The following NEDD4 variants were observed in gnomAD, a reference collection of about 807,000 sequenced individuals.
NEDD4 encodes E3 ubiquitin-protein ligase NEDD4.
Under a neutral mutation model 144.9 loss-of-function variants are expected in NEDD4, and 99 were observed. The observed-to-expected ratio is 0.68, with a 90% CI of 0.58 to 0.81. NEDD4 has a LOEUF of 0.81. Ranked by LOEUF, NEDD4 falls within the 30% of genes least tolerant of loss-of-function variation. The probability of loss-of-function intolerance (pLI) is 0.00; values close to 1 mark genes in which losing one functional copy is unlikely to be tolerated. For missense variants in NEDD4, 985 were observed against 1,065.9 expected (o/e 0.92, Z 1.06); for synonymous variants, 318 against 350.6 (o/e 0.91, Z 1.04).
intron 18 of NEDD4, among the ~76,000 whole-genome samples, chr15:55,844,694 A>G (rs373278157): frequency 1.3e-5 from 2 of 152,158 alleles, no homozygotes; most frequent in African/African-American, 4.8e-5. Context: ...ATGCTTAAAC[A>G]GTATCTGGCA....
chr15:55,981,525 T>C (rs2037803903), intron 1 of NEDD4, among the ~76,000 whole-genome samples: 2 of 152,174 alleles, frequency 1.3e-5, no homozygotes, highest in South Asian at 4.1e-4. Flanking sequence ...CACCCATAAC[T>C]GAGAAATAAA....
At chr15:55,941,189 TTTTA>T (rs1369491146) in intron 4 of NEDD4, among the ~76,000 whole-genome samples, 1 of 152,182 alleles carries the variant, frequency 6.6e-6, no homozygotes, top group African/African-American at 2.4e-5. Context: ...CCATCCTTGG[TTTTA>T]TTTATTTTCT....
intron 12 of NEDD4, among the ~76,000 whole-genome samples, chr15:55,854,039 T>C (rs138186256): frequency 2.6e-4 from 39 of 151,968 alleles, no homozygotes; most frequent in Non-Finnish European, 2.1e-4. Flanking sequence ...GTAGTCCAGC[T>C]ACTCGGGAGG....
chr15:55,878,224 CATG>C (rs147248690), intron 5 of NEDD4, among the ~76,000 whole-genome samples: 5,612 of 152,102 alleles, frequency 0.037, 146 homozygotes, highest in Non-Finnish European at 0.057. Flanking sequence ...AATTAGATTT[CATG>C]ATGATGAGTA....
intron 1 of NEDD4, among the ~76,000 whole-genome samples, chr15:55,974,214 A>C (rs1411431922): frequency 6.6e-6 from 1 of 152,220 alleles, no homozygotes; most frequent in African/African-American, 2.4e-5. Flanking sequence ...CCAAGATTGA[A>C]CCATGAAGAA....
At chr15:55,982,024 C>T (rs1468145508) in intron 1 of NEDD4, among the ~76,000 whole-genome samples, 2 of 152,158 alleles carry the variant, frequency 1.3e-5, no homozygotes, top group Admixed American at 1.3e-4. Flanking sequence ...TTTTTATACA[C>T]AAAGTATCAC....
chr15:55,916,588 T>C, intron 5 of NEDD4: 1 of 1,614,108 alleles, frequency 6.2e-7, no homozygotes, highest in Non-Finnish European at 8.5e-7. Context: ...CTGCTCTTTT[T>C]ATTAACATTT....
intron 1 of NEDD4, among the ~76,000 whole-genome samples, chr15:55,986,328 TAA>T (rs1320592947): frequency 6.6e-6 from 1 of 152,074 alleles, no homozygotes; most frequent in African/African-American, 2.4e-5. Flanking sequence ...CTATCAATTA[TAA>T]AGAGAAAAAA....
At chr15:55,926,450 G>A (rs1448215864) in intron 4 of NEDD4, among the ~76,000 whole-genome samples, 1 of 152,156 alleles carries the variant, frequency 6.6e-6, no homozygotes, top group Non-Finnish European at 1.5e-5. Flanking sequence ...CCAAACATAA[G>A]GCTAGACAAC....
intron 1 of NEDD4, among the ~76,000 whole-genome samples, chr15:55,991,461 C>T (rs1478380169): frequency 6.6e-6 from 1 of 152,224 alleles, no homozygotes; most frequent in Non-Finnish European, 1.5e-5. Context: ...CCCTCTCTAT[C>T]CCTGGTGCCT....
chr15:55,987,985 A>C (rs1329882677), intron 1 of NEDD4: 1 of 150,800 alleles, frequency 6.6e-6, no homozygotes, highest in Non-Finnish European at 1.5e-5. Flanking sequence ...TGAACTTTAA[A>C]GTAGTTTTTT....
At chr15:55,959,790 A>C (rs2037396591) in intron 2 of NEDD4, among the ~76,000 whole-genome samples, 1 of 152,192 alleles carries the variant, frequency 6.6e-6, no homozygotes, top group Non-Finnish European at 1.5e-5. Context: ...GGCAGCATGC[A>C]AGGAACTGAA....
At chr15:55,838,424 T>A in intron 22 of NEDD4, 85 bp downstream of exon 22, 1 of 944,312 alleles carries the variant, frequency 1.1e-6, no homozygotes, top group Non-Finnish European at 1.7e-6. Context: ...AAACAGAGCC[T>A]AGGAATGTAT....
chr15:55,937,264 C>T (rs1036758426), intron 4 of NEDD4, among the ~76,000 whole-genome samples: 24 of 152,252 alleles, frequency 1.6e-4, no homozygotes, highest in African/African-American at 5.8e-4. Flanking sequence ...CAAGTTTTTG[C>T]TGTAATATGT....
intron 1 of NEDD4, among the ~76,000 whole-genome samples, chr15:55,984,073 T>C (rs1000977652): frequency 1.3e-5 from 2 of 152,176 alleles, no homozygotes; most frequent in African/African-American, 2.4e-5. Flanking sequence ...GCCTGATACA[T>C]AGTGTTCATC....
chr15:55,977,822 T>C (rs1273756134), intron 1 of NEDD4, among the ~76,000 whole-genome samples: 1 of 152,092 alleles, frequency 6.6e-6, no homozygotes, highest in African/African-American at 2.4e-5. Context: ...CCATGGGCCC[T>C]GATGGTCAAA....
chr15:55,903,011 T>C (rs535707196), intron 5 of NEDD4, among the ~76,000 whole-genome samples: 1 of 151,760 alleles, frequency 6.6e-6, no homozygotes. Flanking sequence ...AAATAAAAAA[T>C]AAATAAATAA....
At chr15:55,839,494 T>C (rs1423565496) in intron 21 of NEDD4, among the ~76,000 whole-genome samples, 1 of 152,110 alleles carries the variant, frequency 6.6e-6, no homozygotes, top group African/African-American at 2.4e-5. Context: ...TAATATGTAA[T>C]AAGAAAAGAA....
chr15:55,915,368 A>G (rs2036402231), intron 5 of NEDD4: 5 of 1,613,450 alleles, frequency 3.1e-6, no homozygotes, highest in Non-Finnish European at 3.4e-6. Context: ...TTCCAGATGC[A>G]AACTTTATGA....
Sources: gnomAD v4.1 joint callset for allele counts (sites outside exome capture counted in the v4.1 genomes callset) on GRCh38, gnomAD v4.1.1 for gene constraint, MANE v1.5 for transcripts, NCBI Gene and HGNC (gene_info 2026-07-23, HGNC 2026-07-21) for gene names.